Variants in ASB3 observed in about 807,000 individuals in gnomAD.
The protein encoded by ASB3 is ankyrin repeat and SOCS box protein 3.
In ASB3, 41 loss-of-function variants were observed where a neutral mutation model predicts 54.5. The ratio of observed to expected loss-of-function variants is 0.75; its 90% CI spans 0.59 to 0.98. The LOEUF is 0.98. ASB3 is among the 50% of genes least tolerant of loss of function. The pLI, the probability that ASB3 is intolerant of heterozygous loss-of-function variation, is 0.00. For missense variants in ASB3, 733 were observed against 620.0 expected (o/e 1.18, Z -1.94); for synonymous variants, 266 against 221.2 (o/e 1.20, Z -1.80).
chr2:53,723,333 T>C (rs1356485000), intron 5 of ASB3, among the ~76,000 whole-genome samples: 1 of 152,200 alleles, frequency 6.6e-6, no homozygotes, highest in Non-Finnish European at 1.5e-5. Context: ...GTCAGAGTTT[T>C]TTGTTTTTGA....
intron 2 of ASB3, among the ~76,000 whole-genome samples, chr2:53,752,484 C>G (rs1377050356): frequency 6.6e-6 from 1 of 152,220 alleles, no homozygotes; most frequent in Non-Finnish European, 1.5e-5. Context: ...GTGAGAATTC[C>G]CAGTGGCTTC....
At chr2:53,746,194 C>T (rs1184231587) in intron 3 of ASB3, among the ~76,000 whole-genome samples, 1 of 152,062 alleles carries the variant, frequency 6.6e-6, no homozygotes, top group Non-Finnish European at 1.5e-5. Flanking sequence ...ACTCAAGAGG[C>T]TGAGGCAGGA....
chr2:53,712,976 GA>G (rs1272930561), intron 7 of ASB3, among the ~76,000 whole-genome samples: 1 of 152,164 alleles, frequency 6.6e-6, no homozygotes, highest in Non-Finnish European at 1.5e-5. Flanking sequence ...ATGAAATCAT[GA>G]AAGTTATACA....
At chr2:53,678,345 T>C (rs912841530) in intron 9 of ASB3, among the ~76,000 whole-genome samples, 1 of 152,204 alleles carries the variant, frequency 6.6e-6, no homozygotes, top group East Asian at 1.9e-4. Context: ...CAGGTGGTCA[T>C]CATTTTTATC....
intron 2 of ASB3, among the ~76,000 whole-genome samples, chr2:53,759,491 G>A (rs560252415): frequency 6.6e-5 from 10 of 152,196 alleles, no homozygotes; most frequent in Middle Eastern, 3.4e-3. Context: ...CCTTAGGCCC[G>A]GAGCAAAACT....
chr2:53,736,597 G>C (rs1671645728), intron 3 of ASB3, among the ~76,000 whole-genome samples: 1 of 152,030 alleles, frequency 6.6e-6, no homozygotes, highest in South Asian at 2.1e-4. Context: ...TACTTGGGAG[G>C]CCGAGGCAGG....
chr2:53,736,926 G>T (rs1421213043), intron 3 of ASB3, among the ~76,000 whole-genome samples: 1 of 152,122 alleles, frequency 6.6e-6, no homozygotes. Flanking sequence ...GGAGGTTGCA[G>T]TGAGCCGAGA....
intron 7 of ASB3, among the ~76,000 whole-genome samples, chr2:53,710,724 T>C (rs927614091): frequency 6.6e-6 from 1 of 152,214 alleles, no homozygotes; most frequent in Non-Finnish European, 1.5e-5. Context: ...GGTTCCAACG[T>C]CAGCTCAGTT....
At chr2:53,713,591 A>G (rs1670224159) in intron 7 of ASB3, among the ~76,000 whole-genome samples, 1 of 152,224 alleles carries the variant, frequency 6.6e-6, no homozygotes, top group Non-Finnish European at 1.5e-5. Flanking sequence ...GGGGCGTTTA[A>G]AAACTTAATT....
At chr2:53,743,312 T>C (rs1407526222) in intron 3 of ASB3, among the ~76,000 whole-genome samples, 3 of 152,012 alleles carry the variant, frequency 2.0e-5, no homozygotes, top group African/African-American at 7.2e-5. Context: ...GCCAAATTAT[T>C]CAATTTTGAA....
At chr2:53,737,993 AAC>A (rs761056637) in intron 3 of ASB3, among the ~76,000 whole-genome samples, 31 of 152,328 alleles carry the variant, frequency 2.0e-4, no homozygotes, top group Admixed American at 4.6e-4. Context: ...GCAGAATAAC[AAC>A]ACAGTAATTA....
At chr2:53,759,885 A>G (rs187150965) in intron 2 of ASB3, among the ~76,000 whole-genome samples, 54 of 152,216 alleles carry the variant, frequency 3.5e-4, no homozygotes, top group African/African-American at 1.3e-3. Flanking sequence ...AGCCCACGCC[A>G]TCACCCTCAC....
At chr2:53,752,499 C>T (rs1267960751) in intron 2 of ASB3, among the ~76,000 whole-genome samples, 1 of 152,242 alleles carries the variant, frequency 6.6e-6, no homozygotes, top group African/African-American at 2.4e-5. Context: ...GGCTTCACCC[C>T]ATTCTTCCAG....
intron 1 of ASB3, chr2:53,774,287 T>G (rs372283232): frequency 6.2e-7 from 1 of 1,614,146 alleles, no homozygotes; most frequent in South Asian, 1.1e-5. Flanking sequence ...CCATTCAGTG[T>G]ATTGCTATAT....
At position 53,714,503 on chromosome 2, in the gene ASB3, T is replaced by C. The variant is rs1369813555; in HGVS notation, c.861A>G (p.Ala287=). The C allele has an allele frequency of 1.9e-6, 3 of 1,614,242 alleles. No individual in the cohort carries two copies. The South Asian group carries it at 3.3e-5, about 18-fold the overall frequency. The part of the protein sequence containing the change: ...GLNKVSPVYS[A]VFGGHEDCLE... ...GGCAATCTTCATGTCCCCCAAACAC[T>C]GCTGAGTAAACAGGGCTTACTTTGT... The change falls in exon 7 of 10, where the codon GCA becomes GCG. Residue 287 remains alanine (A), a synonymous_variant. Transcript: ENST00000263634.
chr2:53,696,862 T>C (rs1166606494), intron 8 of ASB3, among the ~76,000 whole-genome samples: 2 of 152,180 alleles, frequency 1.3e-5, no homozygotes, highest in South Asian at 2.1e-4. Flanking sequence ...ACAAATACTA[T>C]GCTATTTTAT....
chr2:53,685,398 A>G (rs1469129824), intron 9 of ASB3, among the ~76,000 whole-genome samples: 2 of 152,236 alleles, frequency 1.3e-5, no homozygotes, highest in Admixed American at 1.3e-4. Flanking sequence ...GAACTTTCTC[A>G]TCTACAATTA....
At chr2:53,732,377 G>A (rs183126227) in intron 3 of ASB3, among the ~76,000 whole-genome samples, 2 of 152,144 alleles carry the variant, frequency 1.3e-5, no homozygotes, top group African/African-American at 4.8e-5. Flanking sequence ...TTGGGTGGAG[G>A]TCATAAAAGG....
At chr2:53,742,482 C>T (rs1279597890) in intron 3 of ASB3, among the ~76,000 whole-genome samples, 6 of 151,764 alleles carry the variant, frequency 4.0e-5, no homozygotes, top group Admixed American at 3.9e-4. Context: ...TTACCACAAA[C>T]CAAAGGAAAA....
Sources: gnomAD v4.1 joint callset for allele counts (sites outside exome capture counted in the v4.1 genomes callset) on GRCh38, gnomAD v4.1.1 for gene constraint, MANE v1.5 for transcripts, NCBI Gene and HGNC (gene_info 2026-07-23, HGNC 2026-07-21) for gene names.